The following SIPA1L3 variants were observed in gnomAD, a reference collection of about 807,000 sequenced individuals.
SIPA1L3 encodes the protein signal induced proliferation associated 1 like 3.
A neutral mutation model predicts 150.1 loss-of-function variants in SIPA1L3; 59 were observed. That is an observed-to-expected ratio of 0.39 (90% confidence interval 0.32 to 0.49). SIPA1L3 has a LOEUF of 0.49. SIPA1L3 is among the 20% of genes least tolerant of loss of function. SIPA1L3 has a pLI of 0.86. For synonymous variants in SIPA1L3, 1,070 were observed against 1,077.6 expected (o/e 0.99, Z 0.14); for missense variants, 2,211 against 2,489.5 (o/e 0.89, Z 2.38).
At chr19:38,118,373 C>T (rs982494641) in intron 8 of SIPA1L3, among the ~76,000 whole-genome samples, 3 of 147,118 alleles carry the variant, frequency 2.0e-5, no homozygotes, top group East Asian at 2.0e-4. Flanking sequence ...TGCTGTGAGC[C>T]GAGATTGCGC....
chr19:37,923,676 A>G (rs1188953615), intron 1 of SIPA1L3, among the ~76,000 whole-genome samples: 1 of 152,154 alleles, frequency 6.6e-6, no homozygotes, highest in Admixed American at 6.5e-5. Flanking sequence ...ATTTTAAAAA[A>G]TGTTTCCTCA....
rs748714631 is a variant in SIPA1L3, at chr19:38,182,586, C to T, written c.4276C>T (p.Pro1426Ser). The T allele has an allele frequency of 2.5e-6, 4 of 1,614,194 alleles. No individual in the cohort carries two copies. Residue 1426 changes from proline (P) to serine (S), a missense_variant, in exon 16 of 22, where the codon CCC becomes TCC. Pro to Ser is a moderately conservative substitution (Grantham distance 74, BLOSUM62 -1). Transcript: ENST00000222345. ...AACTGCCAGTGCAGAGACTCCTCGG[C>T]CCTCCCAGCTGGCCCAGCCCAGCCC... Reference protein sequence around the residue: ...YKTASAETPRPSQLAQPSPFQ... With the variant: ...YKTASAETPRSSQLAQPSPFQ...
intron 2 of SIPA1L3, among the ~76,000 whole-genome samples, chr19:38,066,880 A>T (rs1180619673): frequency 1.3e-5 from 2 of 152,062 alleles, no homozygotes; most frequent in Non-Finnish European, 2.9e-5. Flanking sequence ...TAAAATGTTG[A>T]TGCATAATTC....
chr19:38,126,541 CT>C (rs577099002), intron 9 of SIPA1L3, among the ~76,000 whole-genome samples: 26 of 146,848 alleles, frequency 1.8e-4, no homozygotes, highest in African/African-American at 5.0e-4. Context: ...CAAGACAATT[CT>C]TTTTTTTTTT....
intron 1 of SIPA1L3, among the ~76,000 whole-genome samples, chr19:37,918,871 AAAAT>A (rs56883776): frequency 0.054 from 7,534 of 140,246 alleles, 272 homozygotes; most frequent in East Asian, 0.12. Flanking sequence ...ACTCGGTCTC[AAAAT>A]AAATAAATAA....
In SIPA1L3 at chr19:38,046,172, C is replaced by T. The variant is rs374770810; in HGVS notation, c.-311+17016C>T. On this transcript the variant is annotated intron_variant, in intron 2 of 21. Coordinates refer to ENST00000222345, the MANE Select transcript of SIPA1L3 (RefSeq NM_015073.3). This position sits in a 1 kb window ranked among gnomAD's most constrained non-coding sequence, Gnocchi z 5.6. ...ATAGACGAGAAGGTGCCCTGGTTCT[C>T]GACTCATCAGCCTCTAGGAAAGAAG... 3.9e-5 allele frequency among the ~76,000 whole-genome samples: 6 copies of T among 152,206 alleles called. No homozygotes were observed. The highest frequency in any genetic ancestry group is 1.2e-4 in the African/African-American group (5 of 41,548).
intron 1 of SIPA1L3, among the ~76,000 whole-genome samples, chr19:37,925,179 G>C (rs1042210855): frequency 6.6e-6 from 1 of 152,122 alleles, no homozygotes; most frequent in Non-Finnish European, 1.5e-5. Context: ...ATGGCTCTCC[G>C]ACCTCCCCGT....
chr19:38,040,285 G>A (rs1350585319), intron 2 of SIPA1L3, among the ~76,000 whole-genome samples: 1 of 152,062 alleles, frequency 6.6e-6, no homozygotes, highest in Admixed American at 6.5e-5. Flanking sequence ...CATTTGTGAT[G>A]TGGCACCCCT....
intron 15 of SIPA1L3, chr19:38,173,730 C>CT (rs1467875980): frequency 3.3e-5 from 5 of 152,304 alleles, no homozygotes; most frequent in African/African-American, 1.2e-4. Flanking sequence ...TGTTGGGAGG[C>CT]TGGGGTCACC....
Position 38,119,754 on chromosome 19 carries a change from G to C in SIPA1L3, c.2740G>C (p.Gly914Arg), listed in dbSNP as rs140119542. Reference sequence around the variant, plus strand: ...GGAGGTGGTGTTCAACTGCTACTGCGGGGATGTCATTGGCTGGACTCCAGA... The same window carrying C: ...GGAGGTGGTGTTCAACTGCTACTGCCGGGATGTCATTGGCTGGACTCCAGA... ...TKEVVFNCYC[G>R]DVIGWTPDSS... The change falls in exon 9 of 22, where the codon GGG becomes CGG. Residue 914 changes from glycine (G) to arginine (R), a missense_variant. Around this residue, in one of 5 missense-constraint regions of SIPA1L3, gnomAD observed 625 missense variants for 804.2 expected, o/e 0.78. Transcript: ENST00000222345. 5.6e-6 allele frequency: 9 copies of C among 1,614,030 alleles called. No homozygotes were observed. The highest frequency in any genetic ancestry group is 5.1e-6 in the Non-Finnish European group (6 of 1,180,034).
At chr19:38,149,026 C>A (rs1418092231) in intron 12 of SIPA1L3, among the ~76,000 whole-genome samples, 1 of 152,134 alleles carries the variant, frequency 6.6e-6, no homozygotes, top group Non-Finnish European at 1.5e-5. Context: ...TAGACATGGT[C>A]TCAAATGGGA....
intron 2 of SIPA1L3, among the ~76,000 whole-genome samples, chr19:38,056,848 A>G (rs1293189661): frequency 1.3e-5 from 2 of 152,206 alleles, no homozygotes; most frequent in African/African-American, 4.8e-5. Context: ...ACTTGAGGTC[A>G]GGAGTTGGAG....
At chr19:38,166,164 A>T (rs1028702097) in intron 15 of SIPA1L3, among the ~76,000 whole-genome samples, 1 of 152,016 alleles carries the variant, frequency 6.6e-6, no homozygotes, top group African/African-American at 2.4e-5. Flanking sequence ...AGAGAGAAAG[A>T]GTAGGCATTG....
At chr19:38,195,658 C>T (rs1396498919) in intron 18 of SIPA1L3, among the ~76,000 whole-genome samples, 1 of 152,142 alleles carries the variant, frequency 6.6e-6, no homozygotes, top group Non-Finnish European at 1.5e-5. Flanking sequence ...AGAACACAGG[C>T]ATAGACTCCA....
chr19:38,205,993 T>C (rs1294329809), intron 21 of SIPA1L3, 104 bp from the exon 22 acceptor site: 3 of 1,351,540 alleles, frequency 2.2e-6, no homozygotes, highest in Non-Finnish European at 2.0e-6. Flanking sequence ...AGTGGTTGGC[T>C]CCAAAGCACA....
chr19:38,004,693 G>A (rs966562449), intron 1 of SIPA1L3, among the ~76,000 whole-genome samples: 7 of 152,082 alleles, frequency 4.6e-5, no homozygotes, highest in African/African-American at 1.7e-4. Context: ...GATCTTCCCC[G>A]AACCAATCAC....
At chr19:38,050,148 A>G (rs1239935472) in intron 2 of SIPA1L3, among the ~76,000 whole-genome samples, 1 of 152,252 alleles carries the variant, frequency 6.6e-6, no homozygotes, top group African/African-American at 2.4e-5. Flanking sequence ...ATGAGATAAT[A>G]TATGTAAAGC....
At chr19:38,090,202 C>T (rs1970229311) in intron 4 of SIPA1L3, among the ~76,000 whole-genome samples, 1 of 151,916 alleles carries the variant, frequency 6.6e-6, no homozygotes, top group Admixed American at 6.6e-5. Context: ...TGGTGGCAGG[C>T]ACCTGTAATC....
chr19:38,164,990 T>G lies in SIPA1L3; in HGVS notation c.4208+84T>G. On this transcript the variant is annotated intron_variant, in intron 15 of 21. Transcript: ENST00000222345. The surrounding 1 kb of genome is among the most constrained non-coding windows in gnomAD (Gnocchi z 4.1). ...TACGGTCCTGATGGTGGGGTTCTCC[T>G]CCCCAGAAACACACTCACGGATGAA... 7.7e-7 allele frequency: 1 copy of G among 1,302,804 alleles called. No individual in the cohort carries two copies. The highest frequency in any genetic ancestry group is 1.0e-6 in the Non-Finnish European group (1 of 973,206). 80.7% of individuals were successfully genotyped at this position (1,302,804 alleles called of 1,614,324 possible). A position where few individuals can be genotyped will look rare whatever the true frequency, so the allele number is the denominator to read the frequency against.
Sources: gnomAD v4.1 joint callset for allele counts (sites outside exome capture counted in the v4.1 genomes callset) on GRCh38, gnomAD v4.1.1 for gene constraint, gnomAD v4.1.1 regional missense constraint, Gnocchi (gnomAD v3.1) non-coding constraint, MANE v1.5 for transcripts, NCBI Gene and HGNC (gene_info 2026-07-23, HGNC 2026-07-21) for gene names.